Variants in SBF2 observed in about 807,000 individuals in gnomAD.
The protein encoded by SBF2 is myotubularin-related protein 13.
SBF2 carries 112 observed loss-of-function variants against 225.2 expected under a neutral mutation model. The ratio of observed to expected loss-of-function variants is 0.50; its 90% CI spans 0.43 to 0.58. The LOEUF (loss-of-function observed/expected upper bound fraction) is 0.58, where lower values mean the gene tolerates loss of function less well. SBF2 is among the 20% of genes least tolerant of loss of function. The pLI is 0.00. For missense variants in SBF2, 1,996 were observed against 2,206.2 expected (o/e 0.90, Z 1.91); for synonymous variants, 763 against 773.3 (o/e 0.99, Z 0.22).
chr11:9,951,170 G>C (rs981818668), intron 16 of SBF2, among the ~76,000 whole-genome samples: 1 of 152,142 alleles, frequency 6.6e-6, no homozygotes, highest in African/African-American at 2.4e-5. Flanking sequence ...AAAGGAGGAA[G>C]AAACAGTGTT....
chr11:9,795,928 T>C lies in SBF2; in HGVS notation c.4473A>G (p.Glu1491=), dbSNP rs1210001618. 6.2e-7 allele frequency: 1 copy of C among 1,613,618 alleles called. No individual in the cohort carries two copies. Among genetic ancestry groups the C allele is most frequent in the East Asian group, 2.2e-5 (1 of 44,878 alleles). ...QVHNQYPTEF[E]FNLYYLKFLA... Reference sequence around the variant, plus strand: ...AGAACTTTAAGTAATAGAGATTGAATTCAAACTCAGTTGGATACTGGTTGT... The same window carrying C: ...AGAACTTTAAGTAATAGAGATTGAACTCAAACTCAGTTGGATACTGGTTGT... Residue 1491 remains glutamate, a synonymous_variant, in exon 33 of 40, where the codon GAA becomes GAG. Transcript: ENST00000256190.
intron 2 of SBF2, among the ~76,000 whole-genome samples, chr11:10,116,831 G>A (rs755568004): frequency 1.5e-4 from 23 of 152,148 alleles, no homozygotes; most frequent in African/African-American, 4.8e-4. Context: ...CTTAATCTAC[G>A]TCATTTTGAG....
chr11:9,805,204 C>A (rs560139931), intron 32 of SBF2, among the ~76,000 whole-genome samples: 2 of 151,694 alleles, frequency 1.3e-5, no homozygotes, highest in East Asian at 3.9e-4. Flanking sequence ...CGAGATCACA[C>A]CACTACACTC....
intron 17 of SBF2, among the ~76,000 whole-genome samples, chr11:9,886,670 A>G (rs1425545986): frequency 6.8e-6 from 1 of 146,456 alleles, no homozygotes; most frequent in African/African-American, 2.5e-5. Context: ...CTCCATTTCC[A>G]GTCACAATTC....
chr11:10,217,952 T>A (rs936929695), intron 1 of SBF2, among the ~76,000 whole-genome samples: 2 of 151,704 alleles, frequency 1.3e-5, no homozygotes, highest in African/African-American at 4.9e-5. Flanking sequence ...CAGGCTGGAG[T>A]GCAGTGGCGC....
At chr11:10,098,133 A>G (rs1952110029) in intron 2 of SBF2, among the ~76,000 whole-genome samples, 1 of 152,078 alleles carries the variant, frequency 6.6e-6, no homozygotes, top group Non-Finnish European at 1.5e-5. Flanking sequence ...TCTCCTGTAC[A>G]TGGCACCCTA....
chr11:10,238,585 C>T (rs1591285590), intron 1 of SBF2, among the ~76,000 whole-genome samples: 1 of 137,210 alleles, frequency 7.3e-6, no homozygotes, highest in Non-Finnish European at 1.7e-5. Context: ...AGATATGAAG[C>T]AAAATTGAGA....
chr11:9,849,596 T>C (rs12808226), intron 22 of SBF2, among the ~76,000 whole-genome samples: 34,104 of 152,160 alleles, frequency 0.22, 4,762 homozygotes, highest in Non-Finnish European at 0.3. Context: ...GTGGGATTAG[T>C]TGGTGCTGGA....
At chr11:10,118,906 A>AT (rs1272246857) in intron 2 of SBF2, among the ~76,000 whole-genome samples, 1 of 116,312 alleles carries the variant, frequency 8.6e-6, no homozygotes, top group Non-Finnish European at 1.9e-5. Context: ...CTGGAAGAAA[A>AT]AAAAAAAACA....
At chr11:9,999,329 GTATT>G (rs1198250162) in intron 8 of SBF2, among the ~76,000 whole-genome samples, 62 of 131,718 alleles carry the variant, frequency 4.7e-4, no homozygotes, top group South Asian at 2.2e-3. Context: ...ATGTATGTAT[GTATT>G]TATTTTTGAG....
intron 16 of SBF2, among the ~76,000 whole-genome samples, chr11:9,925,318 G>C (rs1453096927): frequency 6.6e-6 from 1 of 151,648 alleles, no homozygotes; most frequent in Non-Finnish European, 1.5e-5. Context: ...ATGGAGTTTT[G>C]CTCTTGGAGT....
intron 29 of SBF2, among the ~76,000 whole-genome samples, chr11:9,813,305 C>T (rs1028635353): frequency 6.6e-6 from 1 of 152,064 alleles, no homozygotes. Flanking sequence ...TTTCTTACTG[C>T]CCCAAGACTA....
intron 2 of SBF2, among the ~76,000 whole-genome samples, chr11:10,165,672 C>A (rs370005491): frequency 2.4e-4 from 36 of 152,252 alleles, no homozygotes; most frequent in South Asian, 8.3e-4. Context: ...TCTAAAATCT[C>A]ACCCTTAGTA....
At chr11:10,072,467 T>C (rs547840071) in intron 2 of SBF2, among the ~76,000 whole-genome samples, 2 of 152,230 alleles carry the variant, frequency 1.3e-5, no homozygotes, top group Admixed American at 6.5e-5. Context: ...GTTGAAGATA[T>C]ACTTCTATTT....
chr11:10,189,762 A>C (rs893211269), intron 2 of SBF2, among the ~76,000 whole-genome samples: 2 of 152,232 alleles, frequency 1.3e-5, no homozygotes, highest in African/African-American at 2.4e-5. Flanking sequence ...TACATCTAAC[A>C]AAAACCTTAG....
At chr11:10,096,688 A>G (rs1952040029) in intron 2 of SBF2, among the ~76,000 whole-genome samples, 1 of 152,190 alleles carries the variant, frequency 6.6e-6, no homozygotes, top group Non-Finnish European at 1.5e-5. Context: ...TAAAAATATT[A>G]CTTTTCTGAT....
chr11:9,977,003 C>T (rs1443495471), intron 13 of SBF2, among the ~76,000 whole-genome samples: 1 of 152,078 alleles, frequency 6.6e-6, no homozygotes, highest in African/African-American at 2.4e-5. Context: ...CGTGATCCAC[C>T]TGCCTCAGTC....
At chr11:10,125,462 T>A (rs951317773) in intron 2 of SBF2, among the ~76,000 whole-genome samples, 22 of 152,180 alleles carry the variant, frequency 1.4e-4, no homozygotes, top group African/African-American at 4.8e-4. Flanking sequence ...CAGTTACTTG[T>A]TAATGAACGA....
chr11:9,884,350 T>C (rs1405283503), intron 17 of SBF2, among the ~76,000 whole-genome samples: 1 of 151,578 alleles, frequency 6.6e-6, no homozygotes, highest in African/African-American at 2.4e-5. Flanking sequence ...TTTTTGAGTC[T>C]GATCATTTAA....
Sources: allele counts gnomAD v4.1 joint callset (sites outside exome capture counted in the v4.1 genomes callset), GRCh38; gene constraint gnomAD v4.1.1; transcripts MANE v1.5; gene names NCBI Gene and HGNC (gene_info 2026-07-23, HGNC 2026-07-21).